OTOP1: variants seen among roughly 807,000 people sequenced by gnomAD.
OTOP1 encodes the protein proton channel OTOP1.
In OTOP1, 59 loss-of-function variants were observed where a neutral mutation model predicts 52.9. That is an observed-to-expected ratio of 1.12 (90% CI 0.91 to 1.39). The LOEUF is 1.39. OTOP1 is among the 40% of genes most tolerant of loss of function. The probability of loss-of-function intolerance (pLI) is 0.00; values close to 1 mark genes in which losing one functional copy is unlikely to be tolerated. For missense variants in OTOP1, 761 were observed against 800.9 expected (o/e 0.95, Z 0.60); for synonymous variants, 317 against 337.7 (o/e 0.94, Z 0.67).
chr4:4,203,556 G>T (rs1404072747), intron 3 of OTOP1, among the ~76,000 whole-genome samples: 2 of 152,192 alleles, frequency 1.3e-5, no homozygotes, highest in Admixed American at 6.5e-5. Context: ...TAAGTGGAAG[G>T]TCGACACTGG....
chr4:4,226,450 G>T lies in OTOP1; in HGVS notation c.403+12C>A. On this transcript the variant is annotated intron_variant, in intron 1 of 5. Transcript: ENST00000296358. ...GGAGGCGGAGACCCGCTCGCCCGGC[G>T]CCTGGACTCACCGCGCAGCCAGCCG... 1.4e-6 allele frequency: 2 copies of T among 1,460,694 alleles called. No individual in the cohort carries two copies. Among genetic ancestry groups the T allele is most frequent in the African/African-American group, 1.5e-5 (1 of 68,464 alleles). 90.5% of individuals were successfully genotyped at this position (1,460,694 alleles called of 1,614,324 possible). A position where few individuals can be genotyped will look rare whatever the true frequency, so the allele number is the denominator to read the frequency against.
chr4:4,205,392 C>G (rs765382664), intron 3 of OTOP1, among the ~76,000 whole-genome samples: 1 of 152,164 alleles, frequency 6.6e-6, no homozygotes, highest in Non-Finnish European at 1.5e-5. Flanking sequence ...GGCAGGATGG[C>G]GATTCACAAA....
intron 2 of OTOP1, among the ~76,000 whole-genome samples, chr4:4,208,287 A>G (rs1018721503): frequency 6.6e-6 from 1 of 152,192 alleles, no homozygotes; most frequent in Non-Finnish European, 1.5e-5. Context: ...AATCTTTAAA[A>G]TCTTTGTAGC....
chr4:4,216,752 G>C (rs539837304), intron 1 of OTOP1, among the ~76,000 whole-genome samples: 1 of 152,190 alleles, frequency 6.6e-6, no homozygotes, highest in Non-Finnish European at 1.5e-5. Context: ...GAGGCAGCGT[G>C]GTTGAGTGGC....
chr4:4,202,461 C>T lies in OTOP1; in HGVS notation c.717G>A (p.Gly239=). 1 of 1,613,850 alleles carries T rather than the reference C, an allele frequency of 6.2e-7. No individual in the cohort carries two copies. Among genetic ancestry groups the T allele is most frequent in the South Asian group, 1.1e-5 (1 of 91,070 alleles). ...HKERLITLGF[G]NITTVLDDHT... is the part of the protein sequence containing the mutation. ...CTCACCACTCACCTGTTGTTATGTT[C>T]CCAAAACCCAGAGTGATGAGCCGTT... is the stretch of plus-strand genomic sequence containing the variant. Residue 239 remains glycine, a synonymous_variant, in exon 4 of 6, where the codon GGG becomes GGA. Coordinates refer to ENST00000296358, the MANE Select transcript of OTOP1 (RefSeq NM_177998.3).
rs1254112040 is a variant in OTOP1 at position 4,226,558 on chromosome 4, G to A, written c.307C>T (p.Gln103Ter). The A allele has an allele frequency of 2.5e-6, 4 of 1,604,330 alleles. No homozygotes were observed. The African/African-American group carries it at 4.0e-5, about 16-fold the overall frequency. Reference sequence around the variant, plus strand: ...ACGTACCACAGCATCCACAGCAGCTGCAGCAGCATGAGCGCCGTCAGGAAG... The same window carrying A: ...ACGTACCACAGCATCCACAGCAGCTACAGCAGCATGAGCGCCGTCAGGAAG... ...LCFLTALMLL[Q>*]LLWMLWYVGR... The change falls in exon 1 of 6, where the codon CAG (glutamine) becomes TAG (stop). Residue 103 changes from glutamine (Q) to a stop codon, truncating the protein, a stop_gained. Coordinates refer to ENST00000296358, the MANE Select transcript of OTOP1 (RefSeq NM_177998.3). LOFTEE classifies it high-confidence loss of function.
intron 2 of OTOP1, among the ~76,000 whole-genome samples, chr4:4,207,367 A>G (rs1183413577): frequency 4.6e-5 from 7 of 152,230 alleles, no homozygotes. Context: ...AACTTGTAAT[A>G]GAAAATTCTA....
chr4:4,225,731 C>A (rs1015790389), intron 1 of OTOP1, among the ~76,000 whole-genome samples: 1 of 152,192 alleles, frequency 6.6e-6, no homozygotes, highest in Non-Finnish European at 1.5e-5. Context: ...TTTCTCAACA[C>A]CCACTTCGTG....
intron 1 of OTOP1, among the ~76,000 whole-genome samples, chr4:4,223,737 T>G (rs763769758): frequency 6.6e-6 from 1 of 151,512 alleles, no homozygotes; most frequent in Non-Finnish European, 1.5e-5. Flanking sequence ...CTGTCTCTAC[T>G]AAAAAATACA....
At chr4:4,212,216 T>G (rs1717041524) in intron 2 of OTOP1, among the ~76,000 whole-genome samples, 1 of 152,222 alleles carries the variant, frequency 6.6e-6, no homozygotes, top group Admixed American at 6.5e-5. Context: ...TCTAACATTC[T>G]TTTCAACCAT....
In OTOP1 at chr4:4,212,598, A is replaced by T. The variant is rs1420161437; in HGVS notation, c.540+270T>A. 3.3e-5 allele frequency among the ~76,000 whole-genome samples: 5 copies of T among 152,216 alleles called. No homozygotes were observed. The East Asian group carries it at 9.6e-4, about 29-fold the overall frequency. On this transcript the variant is annotated intron_variant, in intron 2 of 5. Coordinates refer to ENST00000296358, the MANE Select transcript of OTOP1 (RefSeq NM_177998.3). ...TAAAATTCCCTCAAGCCTTTACTGTAGACTCTGGCTTGGCAGAATTTCCTG... is the reference window on the plus strand; with the variant it reads ...TAAAATTCCCTCAAGCCTTTACTGTTGACTCTGGCTTGGCAGAATTTCCTG...
intron 2 of OTOP1, among the ~76,000 whole-genome samples, chr4:4,212,367 A>C (rs1395689060): frequency 7.9e-5 from 12 of 152,226 alleles, no homozygotes; most frequent in Admixed American, 5.2e-4. Flanking sequence ...GAGAAAACAA[A>C]AGTGTTTCCA....
intron 1 of OTOP1, 43 bp downstream of exon 1, chr4:4,226,419 G>A (rs1188714033): frequency 1.4e-6 from 2 of 1,381,982 alleles, no homozygotes; most frequent in Admixed American, 3.3e-5. Flanking sequence ...TGCAGCCAGC[G>A]GGCGAGGAGG....
intron 1 of OTOP1, among the ~76,000 whole-genome samples, chr4:4,222,790 G>C (rs1156905150): frequency 2.0e-5 from 3 of 152,146 alleles, no homozygotes; most frequent in Non-Finnish European, 4.4e-5. Flanking sequence ...TGTCTTTCTA[G>C]CTAGAATTCC....
At chr4:4,209,963 T>C (rs1975448) in intron 2 of OTOP1, among the ~76,000 whole-genome samples, 89,395 of 151,886 alleles carry the variant, frequency 0.59, 27,173 homozygotes, top group African/African-American at 0.73. Context: ...AAACGGTTCT[T>C]GGACCTTCCC....
At chr4:4,191,824 T>A (rs1018670740) in intron 5 of OTOP1, among the ~76,000 whole-genome samples, 1 of 152,154 alleles carries the variant, frequency 6.6e-6, no homozygotes, top group Admixed American at 6.5e-5. Context: ...ACCAGAGATC[T>A]TGGTCATTGC....
chr4:4,217,937 A>G (rs1577183970), intron 1 of OTOP1, among the ~76,000 whole-genome samples: 2 of 152,182 alleles, frequency 1.3e-5, no homozygotes, highest in South Asian at 4.1e-4. Flanking sequence ...GGATGGAGAG[A>G]CAGATGGAGA....
chr4:4,206,897 C>A (rs370782872), intron 2 of OTOP1, among the ~76,000 whole-genome samples: 1 of 152,188 alleles, frequency 6.6e-6, no homozygotes, highest in Non-Finnish European at 1.5e-5. Flanking sequence ...CACTAATTTA[C>A]TGAAATTGTC....
chr4:4,223,664 C>A (rs1717354802), intron 1 of OTOP1, among the ~76,000 whole-genome samples: 1 of 152,014 alleles, frequency 6.6e-6, no homozygotes, highest in Admixed American at 6.5e-5. Flanking sequence ...CTTTGGGAGG[C>A]AAAGGCAGGC....
Sources: gnomAD v4.1 joint callset for allele counts (sites outside exome capture counted in the v4.1 genomes callset) on GRCh38, gnomAD v4.1.1 for gene constraint, MANE v1.5 for transcripts, NCBI Gene and HGNC (gene_info 2026-07-23, HGNC 2026-07-21) for gene names.